The following DNER variants were observed in gnomAD, a reference collection of about 807,000 sequenced individuals.
DNER encodes delta/notch like EGF repeat containing, also known as delta and Notch-like epidermal growth factor-related receptor.
In DNER, 33 loss-of-function variants were observed where a neutral mutation model predicts 78.2. The ratio of observed to expected loss-of-function variants is 0.42; its 90% confidence interval spans 0.32 to 0.56. DNER has a LOEUF of 0.56. Ranked by LOEUF, DNER falls within the 20% of genes least tolerant of loss-of-function variation. The pLI, the probability that DNER is intolerant of heterozygous loss-of-function variation, is 0.11. For synonymous variants in DNER, 417 were observed against 384.8 expected, an observed-to-expected ratio of 1.08 and a Z score of -0.98; for missense variants, 918 against 975.3, an observed-to-expected ratio of 0.94 and a Z score of 0.78.
intron 1 of DNER, among the ~76,000 whole-genome samples, chr2:229,630,674 T>C (rs545505658): frequency 3.3e-5 from 5 of 152,074 alleles, no homozygotes; most frequent in Non-Finnish European, 5.9e-5. Context: ...AGAGGGTACA[T>C]GTGCAGGTTT....
At chr2:229,626,476 A>G (rs1385031129) in intron 1 of DNER, among the ~76,000 whole-genome samples, 1 of 152,224 alleles carries the variant, frequency 6.6e-6, no homozygotes, top group Admixed American at 6.5e-5. Context: ...TTATACAACC[A>G]TTATTCAAAC....
chr2:229,488,480 G>A (rs1387340814), intron 6 of DNER, among the ~76,000 whole-genome samples: 1 of 152,228 alleles, frequency 6.6e-6, no homozygotes, highest in African/African-American at 2.4e-5. Flanking sequence ...TGTGTGTTGT[G>A]TGTGCATTTG....
chr2:229,394,694 G>A (rs1184681141), intron 10 of DNER, among the ~76,000 whole-genome samples: 1 of 152,228 alleles, frequency 6.6e-6, no homozygotes, highest in Non-Finnish European at 1.5e-5. Flanking sequence ...AGGAAGGATG[G>A]CGAGCAGCCA....
intron 11 of DNER, among the ~76,000 whole-genome samples, chr2:229,381,667 T>C (rs1323555591): frequency 6.6e-6 from 1 of 152,114 alleles, no homozygotes; most frequent in Non-Finnish European, 1.5e-5. Flanking sequence ...GCCAGGAAGT[T>C]TGGATTGGAC....
chr2:229,560,625 G>A (rs1043552511), intron 4 of DNER, among the ~76,000 whole-genome samples: 15 of 152,230 alleles, frequency 9.9e-5, no homozygotes, highest in African/African-American at 3.1e-4. Context: ...CTAATAAGCC[G>A]GTCAGGATCC....
chr2:229,603,482 G>T (rs1478861890), intron 1 of DNER, among the ~76,000 whole-genome samples: 1 of 152,124 alleles, frequency 6.6e-6, no homozygotes, highest in Non-Finnish European at 1.5e-5. Context: ...ATACTATACA[G>T]CCATGAAAAA....
intron 10 of DNER, among the ~76,000 whole-genome samples, chr2:229,398,895 A>C (rs1228393546): frequency 6.6e-6 from 1 of 152,072 alleles, no homozygotes; most frequent in Non-Finnish European, 1.5e-5. Context: ...TAAAGTTATC[A>C]GCAAACTAGG....
chr2:229,462,642 A>C (rs1390224406), intron 7 of DNER, among the ~76,000 whole-genome samples: 1 of 152,142 alleles, frequency 6.6e-6, no homozygotes, highest in Admixed American at 6.5e-5. Context: ...TTCCCTGTCC[A>C]TCTTACCCCT....
intron 7 of DNER, among the ~76,000 whole-genome samples, chr2:229,449,588 T>G (rs1441984812): frequency 6.6e-6 from 1 of 151,472 alleles, no homozygotes; most frequent in Non-Finnish European, 1.5e-5. Flanking sequence ...ATGGTGGGGG[T>G]GGGCGGTGGC....
intron 6 of DNER, among the ~76,000 whole-genome samples, chr2:229,503,494 A>G (rs1440571901): frequency 6.6e-6 from 1 of 152,222 alleles, no homozygotes; most frequent in Non-Finnish European, 1.5e-5. Flanking sequence ...ATCTCGAAAG[A>G]GTCTCAGAGC....
At chr2:229,497,615 A>G (rs574216911) in intron 6 of DNER, among the ~76,000 whole-genome samples, 1 of 152,286 alleles carries the variant, frequency 6.6e-6, no homozygotes, top group East Asian at 1.9e-4. Flanking sequence ...GGATATTACA[A>G]CTGATACCAC....
At chr2:229,552,146 AC>A (rs1199409081) in intron 4 of DNER, among the ~76,000 whole-genome samples, 1 of 152,192 alleles carries the variant, frequency 6.6e-6, no homozygotes, top group Non-Finnish European at 1.5e-5. Context: ...AAGAGCCTCT[AC>A]CTTCTAGGGT....
chr2:229,442,514 T>TAAAAAAAAAAAAAAAA (rs58534290), intron 8 of DNER, among the ~76,000 whole-genome samples: 3 of 147,248 alleles, frequency 2.0e-5, no homozygotes, highest in African/African-American at 4.9e-5. Context: ...CGCTCTGTCT[T>TAAAAAAAAAAAAAAAA]AAAAAAAAAA....
Position 229,705,422 on chromosome 2 carries a change from C to T in DNER, c.276+8726G>A, listed in dbSNP as rs76022558. Among the ~76,000 whole-genome samples, 1,441 of 152,282 alleles carry T rather than the reference C, an allele frequency of 9.5e-3. 26 individuals carry two copies. The highest frequency in any genetic ancestry group is 0.033 in the African/African-American group (1,371 of 41,548). On this transcript the variant is annotated intron_variant, in intron 1 of 12. Coordinates refer to ENST00000341772, the MANE Select transcript of DNER (RefSeq NM_139072.4). ...CTCAAATCCTGTTTTTCAAAAGCCC[C>T]GTGCCTTTTCTTTTCTCTTTAAGAA...
chr2:229,433,475 T>C (rs1317280179), intron 8 of DNER, among the ~76,000 whole-genome samples: 1 of 152,118 alleles, frequency 6.6e-6, no homozygotes, highest in African/African-American at 2.4e-5. Context: ...AAATGACGTA[T>C]TGGAAAAGAA....
At chr2:229,679,440 T>C (rs1319517845) in intron 1 of DNER, among the ~76,000 whole-genome samples, 3 of 152,238 alleles carry the variant, frequency 2.0e-5, no homozygotes, top group Admixed American at 1.3e-4. Flanking sequence ...CAACTTCACT[T>C]GTACAAACAT....
At chr2:229,546,246 GGTTT>G (rs1696624796) in intron 5 of DNER, among the ~76,000 whole-genome samples, 1 of 152,156 alleles carries the variant, frequency 6.6e-6, no homozygotes, top group Admixed American at 6.5e-5. Context: ...CCATCCCAGT[GGTTT>G]TAATTCCATT....
chr2:229,516,800 A>AAAAATG (rs1553536934), intron 5 of DNER, among the ~76,000 whole-genome samples: 4 of 131,240 alleles, frequency 3.0e-5, no homozygotes, highest in Non-Finnish European at 6.3e-5. Context: ...AAAAAAAAAA[A>AAAAATG]AAAAGAAAAG....
chr2:229,382,744 G>A (rs763694584), intron 11 of DNER, among the ~76,000 whole-genome samples: 8 of 151,968 alleles, frequency 5.3e-5, no homozygotes, highest in Admixed American at 2.0e-4. Context: ...AATGAACAAC[G>A]CCTCCAAAAA....
Sources: gnomAD v4.1 joint callset for allele counts (sites outside exome capture counted in the v4.1 genomes callset) on GRCh38, gnomAD v4.1.1 for gene constraint, MANE v1.5 for transcripts, NCBI Gene and HGNC (gene_info 2026-07-23, HGNC 2026-07-21) for gene names.